Variants in POTEE observed in about 807,000 individuals in gnomAD.
The protein encoded by POTEE is ANKRD26-like family C member 1A.
A neutral mutation model predicts 74.2 loss-of-function variants in POTEE; 21 were observed. The ratio of observed to expected loss-of-function variants is 0.28; its 90% CI spans 0.20 to 0.41. The LOEUF is 0.41. Among genes scored for constraint, POTEE ranks in the 10% least tolerant of loss-of-function variants. The pLI, the probability that POTEE is intolerant of heterozygous loss-of-function variation, is 1.00. For synonymous variants in POTEE, 211 were observed against 432.8 expected, an observed-to-expected ratio of 0.49 and a Z score of 6.36; for missense variants, 525 against 1,158.6, an observed-to-expected ratio of 0.45 and a Z score of 7.94.
chr2:131,263,822 C>T lies in POTEE; in HGVS notation c.2367C>T (p.Thr789=). 1 of 1,614,078 alleles carries T rather than the reference C, an allele frequency of 6.2e-7. No individual in the cohort carries two copies. The highest frequency in any genetic ancestry group is 1.1e-5 in the South Asian group (1 of 91,072). The part of the protein sequence containing the change: ...WDDMEKIWHH[T]FYNELRVAPE... ...ACATGGAGAAGATCTGGCACCACAC[C>T]TTCTACAACGAGCTGCGTGTGGCTC... Residue 789 remains threonine (T), a synonymous_variant, in exon 18 of 18, where the codon ACC becomes ACT. Transcript: ENST00000683005.
In POTEE at chr2:131,263,645, C is replaced by A; in HGVS notation, c.2190C>A (p.Val730=). The A allele has an allele frequency of 6.3e-7, 1 of 1,586,756 alleles. No homozygotes were observed. The change falls in exon 18 of 18, where the codon GTC becomes GTA. Residue 730 remains valine (V), a synonymous_variant. Transcript: ENST00000683005. Reference sequence around the variant, plus strand: ...CGGGCGACGATGCCCCCCGGGCTGTCTTCCCTTCCATCGTGGGGCGCCCCA... The same window carrying A: ...CGGGCGACGATGCCCCCCGGGCTGTATTCCCTTCCATCGTGGGGCGCCCCA... ...GFAGDDAPRA[V]FPSIVGRPRQ...
chr2:131,257,144 CT>C (rs1237970310), intron 16 of POTEE, among the ~76,000 whole-genome samples: 1 of 123,712 alleles, frequency 8.1e-6, no homozygotes, highest in Non-Finnish European at 1.7e-5. Context: ...CATTTTCCTG[CT>C]TTAGTTTTTC....
intron 7 of POTEE, among the ~76,000 whole-genome samples, chr2:131,227,305 A>G (rs1468452923): frequency 4.7e-5 from 7 of 149,776 alleles, no homozygotes; most frequent in Non-Finnish European, 7.4e-5. Flanking sequence ...ATGCTTTTCC[A>G]TTAAATCTGC....
intron 8 of POTEE, among the ~76,000 whole-genome samples, chr2:131,229,267 T>C (rs576558308): frequency 1.3e-5 from 2 of 152,282 alleles, no homozygotes; most frequent in South Asian, 4.1e-4. Context: ...TCAAATAATG[T>C]GGCAGAAAGA....
intron 8 of POTEE, chr2:131,229,768 G>A (rs1700892610): frequency 1.3e-5 from 2 of 152,172 alleles, no homozygotes; most frequent in African/African-American, 4.8e-5. Flanking sequence ...AGGAAATAGT[G>A]TGAATCAAAG....
intron 4 of POTEE, among the ~76,000 whole-genome samples, chr2:131,222,337 T>C (rs1700645794): frequency 6.6e-6 from 1 of 152,228 alleles, no homozygotes; most frequent in Admixed American, 6.5e-5. Context: ...ATGTTCTTAC[T>C]TATAGGTGGG....
At chr2:131,231,639 A>G (rs1435872392) in intron 9 of POTEE, among the ~76,000 whole-genome samples, 2 of 152,038 alleles carry the variant, frequency 1.3e-5, no homozygotes, top group Non-Finnish European at 2.9e-5. Context: ...TTGGAACAAG[A>G]TGTGTTCTTC....
chr2:131,251,357 A>G (rs1169116898), intron 14 of POTEE, among the ~76,000 whole-genome samples: 1,090 of 8,720 alleles, frequency 0.12, 149 homozygotes, highest in African/African-American at 0.22. Flanking sequence ...TTCTAATTTA[A>G]TATTTGATAT....
intron 6 of POTEE, among the ~76,000 whole-genome samples, chr2:131,225,709 G>T (rs1275327604): frequency 1.4e-5 from 2 of 138,284 alleles, no homozygotes; most frequent in African/African-American, 2.8e-5. Flanking sequence ...TTTTTCAGTA[G>T]AGATGAGGTT....
At chr2:131,229,252 G>C (rs1213328383) in intron 8 of POTEE, among the ~76,000 whole-genome samples, 2 of 152,146 alleles carry the variant, frequency 1.3e-5, no homozygotes, top group Non-Finnish European at 2.9e-5. Context: ...AAGGGTGAGA[G>C]GGGTTCAAAT....
At chr2:131,215,601 TG>T (rs1319040507) in intron 2 of POTEE, among the ~76,000 whole-genome samples, 3 of 148,526 alleles carry the variant, frequency 2.0e-5, no homozygotes, top group African/African-American at 7.6e-5. Flanking sequence ...CTAAAGGTGT[TG>T]GATTTGTTCC....
chr2:131,226,583 A>C (rs2105081771), intron 6 of POTEE, among the ~76,000 whole-genome samples: 1 of 148,976 alleles, frequency 6.7e-6, no homozygotes, highest in South Asian at 2.1e-4. Flanking sequence ...CCTTGGAAGC[A>C]GTAAATGTTT....
chr2:131,213,161 A>C (rs554096788), intron 2 of POTEE, among the ~76,000 whole-genome samples: 367 of 152,054 alleles, frequency 2.4e-3, no homozygotes, highest in African/African-American at 8.2e-3. Context: ...GGGTTTCACC[A>C]TGTTGGCCAG....
intron 4 of POTEE, among the ~76,000 whole-genome samples, chr2:131,222,952 A>G (rs1339806276): frequency 6.6e-6 from 1 of 151,912 alleles, no homozygotes; most frequent in Non-Finnish European, 1.5e-5. Flanking sequence ...CCATTATTTT[A>G]TGCCTCAATA....
At chr2:131,231,952 A>G (rs1047924299) in intron 9 of POTEE, among the ~76,000 whole-genome samples, 5 of 152,132 alleles carry the variant, frequency 3.3e-5, no homozygotes, top group African/African-American at 9.7e-5. Flanking sequence ...GAATAGATGT[A>G]GTTTTGATCT....
chr2:131,222,056 T>C (rs1165618084), intron 4 of POTEE, among the ~76,000 whole-genome samples: 4 of 152,256 alleles, frequency 2.6e-5, no homozygotes, highest in African/African-American at 7.2e-5. Context: ...TTAATCTCAA[T>C]TGAAGCTTTT....
At chr2:131,220,847 G>A (rs945355119) in intron 4 of POTEE, among the ~76,000 whole-genome samples, 2 of 151,556 alleles carry the variant, frequency 1.3e-5, no homozygotes, top group African/African-American at 4.9e-5. Flanking sequence ...TGTAATCCCA[G>A]CTACTCAGGA....
intron 8 of POTEE, 76 bp from the exon 9 acceptor site, chr2:131,230,760 A>G (rs1700928005): frequency 6.5e-7 from 1 of 1,534,698 alleles, no homozygotes; most frequent in East Asian, 2.5e-5. Context: ...AATACTCTTA[A>G]TAATTCTACA....
chr2:131,229,146 A>G (rs1271428634), intron 8 of POTEE, among the ~76,000 whole-genome samples: 1 of 151,868 alleles, frequency 6.6e-6, no homozygotes, highest in East Asian at 1.9e-4. Flanking sequence ...TGGAACCCAC[A>G]TCTTAGCCAG....
Sources: allele counts gnomAD v4.1 joint callset (sites outside exome capture counted in the v4.1 genomes callset), GRCh38; gene constraint gnomAD v4.1.1; transcripts MANE v1.5; gene names NCBI Gene and HGNC (gene_info 2026-07-23, HGNC 2026-07-21).